Variants in CSMD1 observed in about 807,000 individuals in gnomAD.
The protein encoded by CSMD1 is CUB and Sushi multiple domains 1, also known as CUB and sushi domain-containing protein 1.
In CSMD1, 213 loss-of-function variants were observed where a neutral mutation model predicts 417.5. That is an observed-to-expected ratio of 0.51 (90% CI 0.46 to 0.57). CSMD1 has a LOEUF of 0.57. Among genes scored for constraint, CSMD1 ranks in the 20% least tolerant of loss-of-function variants. The probability of loss-of-function intolerance (pLI) is 0.00; values close to 1 mark genes in which losing one functional copy is unlikely to be tolerated. For synonymous variants in CSMD1, 2,862 were observed against 1,736.8 expected, an observed-to-expected ratio of 1.65 and a Z score of -16.11; for missense variants, 6,923 against 4,529.7, an observed-to-expected ratio of 1.53 and a Z score of -15.17.
chr8:3,578,720 G>A lies in CSMD1; in HGVS notation c.1223-3654C>T, dbSNP rs73660308. On this transcript the variant is annotated intron_variant, in intron 9 of 69. Coordinates refer to ENST00000635120, the MANE Select transcript of CSMD1 (RefSeq NM_033225.6). Reference sequence around the variant, plus strand: ...GCAGCTCCTCACACAGGAGACAGCCGAGGGAAACTGTTCTGACTGGGACTG... The same window carrying A: ...GCAGCTCCTCACACAGGAGACAGCCAAGGGAAACTGTTCTGACTGGGACTG... Among the ~76,000 whole-genome samples the A allele has an allele frequency of 7.4e-3, 1,126 of 152,184 alleles. 15 individuals are homozygous for A. Among genetic ancestry groups the A allele is most frequent in the African/African-American group, 0.026 (1,076 of 41,520 alleles).
chr8:4,000,513 G>C (rs1014179663), intron 4 of CSMD1, among the ~76,000 whole-genome samples: 1 of 152,182 alleles, frequency 6.6e-6, no homozygotes, highest in African/African-American at 2.4e-5. Context: ...TCAGCTCTAA[G>C]CCCCTTGTGT....
chr8:4,439,966 G>A (rs899455612), intron 2 of CSMD1, among the ~76,000 whole-genome samples: 1 of 152,086 alleles, frequency 6.6e-6, no homozygotes, highest in African/African-American at 2.4e-5. Context: ...TTAAGATCCT[G>A]GCCTGCACAC....
chr8:2,980,711 C>G (rs1213125108), intron 54 of CSMD1, among the ~76,000 whole-genome samples: 1 of 152,190 alleles, frequency 6.6e-6, no homozygotes, highest in Non-Finnish European at 1.5e-5. Flanking sequence ...GACTAAAATT[C>G]TCTTTAAGGG....
At chr8:3,420,788 T>C (rs947880230) in intron 12 of CSMD1, among the ~76,000 whole-genome samples, 6 of 152,186 alleles carry the variant, frequency 3.9e-5, no homozygotes, top group African/African-American at 1.4e-4. Context: ...ACTTTCACCA[T>C]TCTGCGCATG....
intron 7 of CSMD1, among the ~76,000 whole-genome samples, chr8:3,694,395 A>T (rs1800433427): frequency 6.6e-6 from 1 of 152,196 alleles, no homozygotes; most frequent in Non-Finnish European, 1.5e-5. Context: ...ACTGATCAAC[A>T]GCTCTGCCTG....
intron 2 of CSMD1, among the ~76,000 whole-genome samples, chr8:4,431,399 C>A (rs925508460): frequency 6.6e-6 from 1 of 152,208 alleles, no homozygotes; most frequent in Admixed American, 6.5e-5. Context: ...ACCATACGCA[C>A]AAACTTAGAT....
At chr8:3,057,997 G>T (rs1383393084) in intron 49 of CSMD1, among the ~76,000 whole-genome samples, 1 of 152,096 alleles carries the variant, frequency 6.6e-6, no homozygotes, top group Non-Finnish European at 1.5e-5. Context: ...TATCCACGCC[G>T]CCCAGTCGGC....
intron 11 of CSMD1, among the ~76,000 whole-genome samples, chr8:3,487,844 T>C (rs1818146403): frequency 6.6e-6 from 1 of 152,122 alleles, no homozygotes; most frequent in Non-Finnish European, 1.5e-5. Flanking sequence ...CTCAAGGCAT[T>C]GCTGAAACCT....
At chr8:3,202,949 G>C (rs73660611) in intron 31 of CSMD1, among the ~76,000 whole-genome samples, 3,276 of 152,160 alleles carry the variant, frequency 0.022, 109 homozygotes, top group African/African-American at 0.074. Flanking sequence ...GAGAGGGAGA[G>C]GACTTAATAA....
intron 46 of CSMD1, among the ~76,000 whole-genome samples, chr8:3,103,801 T>C (rs563628431): frequency 1.3e-5 from 2 of 151,700 alleles, no homozygotes; most frequent in African/African-American, 2.4e-5. Context: ...TGGAGTGCAA[T>C]GGCACAATCT....
chr8:4,299,343 G>GT (rs1300378932), intron 3 of CSMD1, among the ~76,000 whole-genome samples: 1 of 152,076 alleles, frequency 6.6e-6, no homozygotes, highest in Non-Finnish European at 1.5e-5. Flanking sequence ...CCAAGAGGGG[G>GT]TTTTTACTTG....
chr8:2,995,117 G>C (rs967521496), intron 54 of CSMD1, among the ~76,000 whole-genome samples: 1 of 152,130 alleles, frequency 6.6e-6, no homozygotes, highest in Admixed American at 6.5e-5. Context: ...ACGAGAGACT[G>C]GGAAAAATTC....
At chr8:3,994,253 T>C (rs553797809) in intron 5 of CSMD1, among the ~76,000 whole-genome samples, 1 of 152,152 alleles carries the variant, frequency 6.6e-6, no homozygotes, top group African/African-American at 2.4e-5. Flanking sequence ...TTTCTTTTGT[T>C]ATATAAGTTC....
chr8:4,072,446 G>A (rs1397108518), intron 3 of CSMD1, among the ~76,000 whole-genome samples: 1 of 152,062 alleles, frequency 6.6e-6, no homozygotes, highest in African/African-American at 2.4e-5. Flanking sequence ...TATTTCTCTG[G>A]GAGATAGACT....
At chr8:4,321,404 C>T (rs1388476204) in intron 3 of CSMD1, among the ~76,000 whole-genome samples, 1 of 152,088 alleles carries the variant, frequency 6.6e-6, no homozygotes, top group Admixed American at 6.6e-5. Context: ...TTTTTTCATC[C>T]CAAACCTGCT....
At chr8:4,269,990 T>A (rs922606546) in intron 3 of CSMD1, among the ~76,000 whole-genome samples, 1 of 152,150 alleles carries the variant, frequency 6.6e-6, no homozygotes, top group African/African-American at 2.4e-5. Flanking sequence ...GACCTGAGCT[T>A]GGGGCCATAT....
At chr8:4,099,821 T>G (rs1268586170) in intron 3 of CSMD1, among the ~76,000 whole-genome samples, 1 of 152,202 alleles carries the variant, frequency 6.6e-6, no homozygotes, top group African/African-American at 2.4e-5. Context: ...TCCCTGATTG[T>G]ATCCACATCT....
chr8:3,075,768 G>A lies in CSMD1; in HGVS notation c.7474+11329C>T, dbSNP rs186011699. On this transcript the variant is annotated intron_variant, in intron 49 of 69. Transcript: ENST00000635120. ...TAAGTAAGAAATACATTGGCTGGGC[G>A]CGGTGGCTCATGCCTGTAATCTCAG... Among the ~76,000 whole-genome samples, 1,230 of 151,774 alleles carry A rather than the reference G, an allele frequency of 8.1e-3. 10 individuals are homozygous for A. The highest frequency in any genetic ancestry group is 0.029 in the African/African-American group (1,182 of 41,388).
intron 12 of CSMD1, among the ~76,000 whole-genome samples, chr8:3,422,777 C>T (rs1473513516): frequency 1.3e-5 from 2 of 152,104 alleles, no homozygotes; most frequent in African/African-American, 4.8e-5. Flanking sequence ...AAATGTATTT[C>T]TCATGGTTCA....
Sources: gnomAD v4.1 joint callset for allele counts (sites outside exome capture counted in the v4.1 genomes callset) on GRCh38, gnomAD v4.1.1 for gene constraint, MANE v1.5 for transcripts, NCBI Gene and HGNC (gene_info 2026-07-23, HGNC 2026-07-21) for gene names.